The following GPR89B variants were observed in gnomAD, a reference collection of about 807,000 sequenced individuals.
The protein encoded by GPR89B is golgi pH regulator B.
GPR89B carries 25 observed loss-of-function variants against 52.4 expected under a neutral mutation model. The observed-to-expected ratio is 0.48, with a 90% CI of 0.35 to 0.67. The LOEUF is 0.67. Among genes scored for constraint, GPR89B ranks in the 30% least tolerant of loss-of-function variants. The pLI is 0.01. For missense variants in GPR89B, 146 were observed against 450.2 expected (o/e 0.32, Z 6.11); for synonymous variants, 52 against 151.2 (o/e 0.34, Z 4.81).
the GPR89B span, among the ~76,000 whole-genome samples, chr1:148,023,118 G>A: frequency 6.6e-6 from 1 of 150,734 alleles, no homozygotes; most frequent in Non-Finnish European, 1.5e-5. Context: ...GTAGTCCACA[G>A]TGTCTATAGT....
At chr1:148,012,813 A>G in the GPR89B span, among the ~76,000 whole-genome samples, 1 of 148,918 alleles carries the variant, frequency 6.7e-6, no homozygotes, top group Non-Finnish European at 1.5e-5. Context: ...AATCTCATTA[A>G]AAGTGTATAC....
At chr1:147,948,291 T>C (rs1571245873) in intron 5 of GPR89B, among the ~76,000 whole-genome samples, 1 of 152,066 alleles carries the variant, frequency 6.6e-6, no homozygotes, top group South Asian at 2.1e-4. Flanking sequence ...CTTGGTGTAT[T>C]CAAGGAAAGG....
chr1:147,960,763 A>AATC (rs1656475507), intron 7 of GPR89B, among the ~76,000 whole-genome samples: 1 of 148,676 alleles, frequency 6.7e-6, no homozygotes, highest in Non-Finnish European at 1.5e-5. Context: ...GAGGTAGGAG[A>AATC]ATCACTTGAA....
At chr1:147,958,187 A>G (rs2149064667) in intron 7 of GPR89B, among the ~76,000 whole-genome samples, 1 of 152,268 alleles carries the variant, frequency 6.6e-6, no homozygotes, top group Middle Eastern at 3.4e-3. Flanking sequence ...AGACACGTGT[A>G]TAATTTATTT....
the GPR89B span, among the ~76,000 whole-genome samples, chr1:148,025,237 C>G: frequency 1.3e-5 from 2 of 151,864 alleles, no homozygotes; most frequent in African/African-American, 4.9e-5. Flanking sequence ...CGCACTCTTT[C>G]CCATAAGCCA....
chr1:147,977,341 C>T (rs1657919738), intron 10 of GPR89B, among the ~76,000 whole-genome samples: 1 of 148,648 alleles, frequency 6.7e-6, no homozygotes, highest in Admixed American at 6.7e-5. Context: ...GTCTGATGGA[C>T]TTCCCTTTGT....
the GPR89B span, chr1:148,014,718 C>G: frequency 2.0e-5 from 3 of 152,484 alleles, no homozygotes; most frequent in Admixed American, 2.0e-4. Flanking sequence ...CCCAACAACC[C>G]AGGCCTCCTT....
At chr1:147,936,161 G>A (rs1354451574) in intron 1 of GPR89B, among the ~76,000 whole-genome samples, 1 of 152,034 alleles carries the variant, frequency 6.6e-6, no homozygotes, top group African/African-American at 2.4e-5. Flanking sequence ...GGGAATACAG[G>A]TGCCCACACC....
the GPR89B span, among the ~76,000 whole-genome samples, chr1:148,013,287 T>C: frequency 6.6e-6 from 1 of 152,080 alleles, no homozygotes; most frequent in African/African-American, 2.4e-5. Context: ...ACGGCGGAGA[T>C]AGGGCGTTCC....
the GPR89B span, among the ~76,000 whole-genome samples, chr1:148,006,445 G>C: frequency 1.3e-5 from 2 of 152,056 alleles, no homozygotes; most frequent in East Asian, 3.9e-4. Context: ...CAGAAATGCT[G>C]TCAATTCTTC....
the GPR89B span, among the ~76,000 whole-genome samples, chr1:148,002,768 G>A: frequency 6.6e-6 from 1 of 152,100 alleles, no homozygotes; most frequent in Non-Finnish European, 1.5e-5. Context: ...ACGAATTCTT[G>A]TACTACACAT....
chr1:147,944,634 TTAG>T (rs1427064727), intron 5 of GPR89B, among the ~76,000 whole-genome samples: 3 of 125,934 alleles, frequency 2.4e-5, no homozygotes, highest in African/African-American at 9.2e-5. Flanking sequence ...ACACCCACAA[TTAG>T]TAGATAAAGA....
chr1:148,003,928 T>G, the GPR89B span: 1 of 575,232 alleles, frequency 1.7e-6, no homozygotes, highest in Non-Finnish European at 3.1e-6. Context: ...ACATGACGCT[T>G]GTCAGTTTCT....
chr1:147,970,491 A>ATCAC (rs1657341993), intron 10 of GPR89B, among the ~76,000 whole-genome samples: 1 of 105,740 alleles, frequency 9.5e-6, no homozygotes. Context: ...GTGAGACTCC[A>ATCAC]TCTCTCTCTC....
chr1:147,955,477 C>T (rs1164563514), intron 7 of GPR89B, among the ~76,000 whole-genome samples: 1 of 151,904 alleles, frequency 6.6e-6, no homozygotes, highest in Non-Finnish European at 1.5e-5. Context: ...TTTTGGGAAC[C>T]TCCACACTAT....
At chr1:147,999,631 T>C in the GPR89B span, among the ~76,000 whole-genome samples, 1 of 150,022 alleles carries the variant, frequency 6.7e-6, no homozygotes, top group Non-Finnish European at 1.5e-5. Context: ...CCTTCTTACA[T>C]GTAATAGCCT....
chr1:147,979,394 C>T (rs2149086436), intron 10 of GPR89B, among the ~76,000 whole-genome samples: 1 of 152,104 alleles, frequency 6.6e-6, no homozygotes, highest in South Asian at 2.1e-4. Context: ...CTTCTCCAGC[C>T]TTATTGCACT....
chr1:148,015,433 GC>G, the GPR89B span, among the ~76,000 whole-genome samples: 1 of 148,006 alleles, frequency 6.8e-6, no homozygotes, highest in African/African-American at 2.6e-5. Flanking sequence ...TCCTGCCTCA[GC>G]CTCCCGAGTA....
At chr1:147,980,856 T>C (rs1182531864) in intron 10 of GPR89B, among the ~76,000 whole-genome samples, 2 of 132,502 alleles carry the variant, frequency 1.5e-5, no homozygotes, top group Admixed American at 7.6e-5. Context: ...AGAAATTCCA[T>C]ACTCATTAGT....
Sources: gnomAD v4.1 joint callset for allele counts (sites outside exome capture counted in the v4.1 genomes callset) on GRCh38, gnomAD v4.1.1 for gene constraint, MANE v1.5 for transcripts, NCBI Gene and HGNC (gene_info 2026-07-23, HGNC 2026-07-21) for gene names.